The following CRPPA variants were observed in gnomAD, a reference collection of about 807,000 sequenced individuals.
CRPPA encodes the protein D-ribitol-5-phosphate cytidylyltransferase.
In CRPPA, 43 loss-of-function variants were observed where a neutral mutation model predicts 52.0. The ratio of observed to expected loss-of-function variants is 0.83; its 90% CI spans 0.65 to 1.07. The LOEUF is 1.07. Among genes scored for constraint, CRPPA ranks in the 50% least tolerant of loss-of-function variants. The probability of loss-of-function intolerance (pLI) is 0.00; values close to 1 mark genes in which losing one functional copy is unlikely to be tolerated. For missense variants in CRPPA, 629 were observed against 551.7 expected (o/e 1.14, Z -1.40); for synonymous variants, 250 against 203.5 (o/e 1.23, Z -1.94).
Position 16,266,072 on chromosome 7 carries a change from G to A in CRPPA, c.934-7060C>T, listed in dbSNP as rs140209098. 2.5e-3 allele frequency among the ~76,000 whole-genome samples: 376 copies of A among 152,338 alleles called. 1 individual carries two copies. Among genetic ancestry groups the A allele is most frequent in the Non-Finnish European group, 4.0e-3 (275 of 68,022 alleles). On this transcript the variant is annotated intron_variant, in intron 6 of 9. Coordinates refer to ENST00000407010, the MANE Select transcript of CRPPA (RefSeq NM_001101426.4). ...ACATGTCCCAAAGTCAACTCCGGGG[G>A]AAGGGGTGTCGGGGAGGAACATGTA...
At chr7:16,138,399 AT>A (rs1179864784) in intron 9 of CRPPA, among the ~76,000 whole-genome samples, 5 of 152,326 alleles carry the variant, frequency 3.3e-5, no homozygotes, top group South Asian at 4.1e-4. Flanking sequence ...AATGTAGAAA[AT>A]TTGAAATACC....
intron 9 of CRPPA, among the ~76,000 whole-genome samples, chr7:16,173,236 C>T (rs1166557722): frequency 6.6e-6 from 1 of 152,164 alleles, no homozygotes; most frequent in Non-Finnish European, 1.5e-5. Flanking sequence ...GGAGTAAATT[C>T]ATTAATCAAG....
Position 16,091,691 on chromosome 7 carries a change from T to C in CRPPA, c.*4A>G, listed in dbSNP as rs1781841020. ...TTTAGAAAATAGGTAATTTTTTGTGTTCTTCATGCTATCAGAAGCTGACCA... is the reference window on the plus strand; with the variant it reads ...TTTAGAAAATAGGTAATTTTTTGTGCTCTTCATGCTATCAGAAGCTGACCA... On this transcript the variant is annotated 3_prime_UTR_variant, in exon 10 of 10. Transcript: ENST00000407010. 6.6e-7 allele frequency: 1 copy of C among 1,510,322 alleles called. No homozygotes were observed. Among genetic ancestry groups the C allele is most frequent in the Non-Finnish European group, 9.0e-7 (1 of 1,113,492 alleles). 93.6% of individuals were successfully genotyped at this position (1,510,322 alleles called of 1,614,324 possible).
intron 3 of CRPPA, among the ~76,000 whole-genome samples, chr7:16,328,508 G>A (rs1038042718): frequency 3.3e-5 from 5 of 151,860 alleles, no homozygotes; most frequent in East Asian, 3.9e-4. Context: ...GGGTTTTTGG[G>A]GGGTTTGTTT....
chr7:16,133,221 G>A (rs1027121992), intron 9 of CRPPA, among the ~76,000 whole-genome samples: 1 of 122,448 alleles, frequency 8.2e-6, no homozygotes, highest in African/African-American at 2.6e-5. Flanking sequence ...GGAAACTGAT[G>A]CATGAGAATT....
rs181169680 is a variant in CRPPA, at chr7:16,398,740, A to T, written c.534+7321T>A. 3.1e-3 allele frequency among the ~76,000 whole-genome samples: 467 copies of T among 152,244 alleles called. 2 individuals are homozygous for T. The highest frequency in any genetic ancestry group is 0.01 in the African/African-American group (436 of 41,550). On this transcript the variant is annotated intron_variant, in intron 2 of 9. Coordinates refer to ENST00000407010, the MANE Select transcript of CRPPA (RefSeq NM_001101426.4). Reference sequence around the variant, plus strand: ...GGTGACACGTGACCAACACTTAACCAATGCCTGACATGTGACAAACACGTG... The same window carrying T: ...GGTGACACGTGACCAACACTTAACCTATGCCTGACATGTGACAAACACGTG...
intron 9 of CRPPA, among the ~76,000 whole-genome samples, chr7:16,196,401 C>A (rs1781735403): frequency 1.3e-5 from 2 of 152,164 alleles, no homozygotes; most frequent in African/African-American, 4.8e-5. Flanking sequence ...TCTTTCCATA[C>A]TCTATGAATG....
At chr7:16,179,708 G>C (rs1781373468) in intron 9 of CRPPA, among the ~76,000 whole-genome samples, 1 of 152,080 alleles carries the variant, frequency 6.6e-6, no homozygotes, top group Non-Finnish European at 1.5e-5. Flanking sequence ...TAAATCTGTT[G>C]TTTGAAGCCA....
At chr7:16,212,052 A>T (rs908576643) in intron 9 of CRPPA, among the ~76,000 whole-genome samples, 6 of 151,718 alleles carry the variant, frequency 4.0e-5, no homozygotes, top group Middle Eastern at 3.2e-3. Context: ...TCTTTTACAA[A>T]TTTTTTTTTA....
At chr7:16,099,482 GAGGGA>G (rs1269896764) in intron 9 of CRPPA, among the ~76,000 whole-genome samples, 1 of 149,302 alleles carries the variant, frequency 6.7e-6, no homozygotes, top group Non-Finnish European at 1.5e-5. Flanking sequence ...GAGAAGGGAA[GAGGGA>G]AGGGAAGGGA....
At chr7:16,153,309 A>C (rs1451201707) in intron 9 of CRPPA, among the ~76,000 whole-genome samples, 1 of 152,110 alleles carries the variant, frequency 6.6e-6, no homozygotes, top group Non-Finnish European at 1.5e-5. Context: ...ATCTGTGAGC[A>C]AAGTCTTTCC....
chr7:16,172,979 A>G (rs561615611), intron 9 of CRPPA, among the ~76,000 whole-genome samples: 31 of 152,346 alleles, frequency 2.0e-4, no homozygotes, highest in Middle Eastern at 3.4e-3. Flanking sequence ...ACAGTTCTCT[A>G]TAGTTTTATC....
At chr7:16,108,400 C>T (rs898246654) in intron 9 of CRPPA, among the ~76,000 whole-genome samples, 7 of 151,932 alleles carry the variant, frequency 4.6e-5, no homozygotes, top group Non-Finnish European at 8.9e-5. Context: ...AAAGGGTCAA[C>T]ATAATATAAC....
At chr7:16,343,475 T>A (rs1369033044) in intron 3 of CRPPA, among the ~76,000 whole-genome samples, 1 of 152,168 alleles carries the variant, frequency 6.6e-6, no homozygotes, top group Non-Finnish European at 1.5e-5. Context: ...AGTTCCCAGA[T>A]AACTGCCATA....
chr7:16,209,103 G>C, intron 9 of CRPPA: 1 of 361,074 alleles, frequency 2.8e-6, no homozygotes, highest in Non-Finnish European at 5.5e-6. Context: ...GGCAGACTAA[G>C]CCAATTATCC....
intron 3 of CRPPA, among the ~76,000 whole-genome samples, chr7:16,328,591 T>G (rs969055474): frequency 2.6e-5 from 4 of 152,158 alleles, no homozygotes; most frequent in African/African-American, 4.8e-5. Flanking sequence ...CTTGGCTCAC[T>G]GCAACCTCCG....
intron 8 of CRPPA, among the ~76,000 whole-genome samples, chr7:16,217,045 G>A (rs1372320250): frequency 6.6e-6 from 1 of 151,460 alleles, no homozygotes. Context: ...GTCCCTGTCT[G>A]ACAGCTTTGA....
At chr7:16,173,267 G>C (rs1781230199) in intron 9 of CRPPA, among the ~76,000 whole-genome samples, 2 of 152,112 alleles carry the variant, frequency 1.3e-5, no homozygotes, top group African/African-American at 2.4e-5. Flanking sequence ...ACCCCTTCTA[G>C]GGAATATGCT....
chr7:16,383,592 C>T (rs543528157), intron 2 of CRPPA, among the ~76,000 whole-genome samples: 36 of 152,342 alleles, frequency 2.4e-4, no homozygotes, highest in African/African-American at 8.2e-4. Flanking sequence ...TGCCCTGCCC[C>T]CAGAGGTGGA....
Sources: allele counts gnomAD v4.1 joint callset (sites outside exome capture counted in the v4.1 genomes callset), GRCh38; gene constraint gnomAD v4.1.1; transcripts MANE v1.5; gene names NCBI Gene and HGNC (gene_info 2026-07-23, HGNC 2026-07-21).